The following CDKL3 variants were observed in gnomAD, a reference collection of about 807,000 sequenced individuals.
CDKL3 encodes cyclin-dependent kinase-like 3.
Under a neutral mutation model 69.3 loss-of-function variants are expected in CDKL3, and 65 were observed. The ratio of observed to expected loss-of-function variants is 0.94; its 90% CI spans 0.77 to 1.15. The LOEUF (loss-of-function observed/expected upper bound fraction) is 1.15. Among genes scored for constraint, CDKL3 ranks in the 50% most tolerant of loss-of-function variants. The pLI is 0.00. For synonymous variants in CDKL3, 202 were observed against 221.6 expected (o/e 0.91, Z 0.79); for missense variants, 652 against 689.2 (o/e 0.95, Z 0.61).
At chr5:134,329,186 A>T (rs1581024342) in intron 4 of CDKL3, among the ~76,000 whole-genome samples, 1 of 152,074 alleles carries the variant, frequency 6.6e-6, no homozygotes, top group East Asian at 1.9e-4. Flanking sequence ...ACAAAAAAAT[A>T]AATTAGGTGG....
At chr5:134,367,409 G>C (rs554073912), upstream of CDKL3, 180 of 949,420 alleles carry the variant, frequency 1.9e-4, 1 homozygote, top group Admixed American at 4.2e-4. Flanking sequence ...GTCTAGCTCT[G>C]TCGCCCAGGC....
At chr5:134,301,730 T>A (rs10074221) in intron 12 of CDKL3, among the ~76,000 whole-genome samples, 1,843 of 151,634 alleles carry the variant, frequency 0.012, 40 homozygotes, top group African/African-American at 0.04. Context: ...AAATATTTTT[T>A]AAAAAAAATA....
chr5:134,303,838 G>C (rs1056369482), intron 11 of CDKL3, among the ~76,000 whole-genome samples: 1 of 151,826 alleles, frequency 6.6e-6, no homozygotes, highest in Non-Finnish European at 1.5e-5. Flanking sequence ...AGCAGAGTGA[G>C]ACTCTGTCTT....
At chr5:134,289,248 A>G (rs1765019012) in intron 8 of CDKL3, among the ~76,000 whole-genome samples, 1 of 151,946 alleles carries the variant, frequency 6.6e-6, no homozygotes, top group African/African-American at 2.4e-5. Flanking sequence ...AAATATTCTG[A>G]TACCATCACA....
At chr5:134,360,398 T>A (rs923585081) in intron 2 of CDKL3, among the ~76,000 whole-genome samples, 1 of 151,636 alleles carries the variant, frequency 6.6e-6, no homozygotes, top group African/African-American at 2.4e-5. Context: ...AGAAACAGGG[T>A]TTCACCATGT....
At chr5:134,338,599 G>A (rs1193144590) in intron 4 of CDKL3, among the ~76,000 whole-genome samples, 1 of 152,110 alleles carries the variant, frequency 6.6e-6, no homozygotes, top group Non-Finnish European at 1.5e-5. Context: ...AGGAGGCTGA[G>A]GCAGGAGAAT....
At chr5:134,310,451 A>G (rs1769134014) in intron 7 of CDKL3, among the ~76,000 whole-genome samples, 1 of 150,716 alleles carries the variant, frequency 6.6e-6, no homozygotes, top group Non-Finnish European at 1.5e-5. Context: ...CGGCCTCCCA[A>G]AGTGCTGGGA....
chr5:134,303,167 C>A (rs1035064198), intron 11 of CDKL3, among the ~76,000 whole-genome samples: 3 of 151,958 alleles, frequency 2.0e-5, no homozygotes, highest in Non-Finnish European at 4.4e-5. Context: ...TCTCGGCTCA[C>A]TGCAACCTCC....
upstream of CDKL3, among the ~76,000 whole-genome samples, chr5:134,369,593 G>C (rs921956018): frequency 1.5e-5 from 1 of 67,698 alleles, no homozygotes; most frequent in Non-Finnish European, 5.2e-5. Flanking sequence ...GGGTTTTTTT[G>C]GTTGTTGCGG....
At chr5:134,343,317 T>C (rs545553634) in intron 4 of CDKL3, among the ~76,000 whole-genome samples, 5 of 152,270 alleles carry the variant, frequency 3.3e-5, no homozygotes, top group African/African-American at 1.2e-4. Context: ...TTTGCAAAAT[T>C]ATGACTGAGA....
upstream of CDKL3, among the ~76,000 whole-genome samples, chr5:134,370,212 C>T (rs531000067): frequency 6.6e-6 from 1 of 152,238 alleles, no homozygotes; most frequent in East Asian, 1.9e-4. Context: ...TGAACAGTTC[C>T]CCAAATGGAT....
chr5:134,359,861 T>C (rs755516775), intron 3 of CDKL3, 36 bp downstream of exon 3: 91 of 1,351,050 alleles, frequency 6.7e-5, no homozygotes, highest in Non-Finnish European at 1.5e-5. Flanking sequence ...ATGATTCATA[T>C]TCATCCTACA....
At chr5:134,369,165 A>AT (rs1758061139), upstream of CDKL3, among the ~76,000 whole-genome samples, 1 of 152,228 alleles carries the variant, frequency 6.6e-6, no homozygotes, top group East Asian at 1.9e-4. Flanking sequence ...CAAGTAGGTT[A>AT]TGGCAGGCCT....
At chr5:134,336,549 CT>C (rs1475834899) in intron 4 of CDKL3, among the ~76,000 whole-genome samples, 1 of 152,180 alleles carries the variant, frequency 6.6e-6, no homozygotes, top group Non-Finnish European at 1.5e-5. Context: ...CTATTCCTTT[CT>C]GTTTGTTAGT....
downstream of CDKL3, among the ~76,000 whole-genome samples, chr5:134,295,011 C>CTTTTTTTTTTT (rs869256167): frequency 1.0e-4 from 10 of 100,414 alleles, no homozygotes; most frequent in South Asian, 3.3e-4. Context: ...ATTTTTTTTT[C>CTTTTTTTTTTT]TTTTTTTTTT....
At chr5:134,341,152 T>A (rs531189711) in intron 4 of CDKL3, among the ~76,000 whole-genome samples, 1 of 152,174 alleles carries the variant, frequency 6.6e-6, no homozygotes, top group Non-Finnish European at 1.5e-5. Context: ...CACCCCTTCA[T>A]GATAAAAGCA....
chr5:134,336,777 T>C (rs1280331680), intron 4 of CDKL3, among the ~76,000 whole-genome samples: 1 of 152,190 alleles, frequency 6.6e-6, no homozygotes, highest in Non-Finnish European at 1.5e-5. Context: ...TCAGGCTACA[T>C]GGGGGTCAGG....
chr5:134,360,803 A>C (rs1251994023), intron 2 of CDKL3, among the ~76,000 whole-genome samples: 1 of 152,146 alleles, frequency 6.6e-6, no homozygotes, highest in Non-Finnish European at 1.5e-5. Context: ...ATGTGATCTG[A>C]ATTTATATAA....
At chr5:134,326,866 T>TATATATATAC (rs1561563782) in intron 4 of CDKL3, among the ~76,000 whole-genome samples, 28 of 98,220 alleles carry the variant, frequency 2.9e-4, no homozygotes, top group South Asian at 5.9e-4. Context: ...TATATATATA[T>TATATATATAC]ACACACACAC....
Sources: allele counts gnomAD v4.1 joint callset (sites outside exome capture counted in the v4.1 genomes callset), GRCh38; gene constraint gnomAD v4.1.1; transcripts MANE v1.5; gene names NCBI Gene and HGNC (gene_info 2026-07-23, HGNC 2026-07-21).